NDST4: variants seen among roughly 807,000 people sequenced by gnomAD.
The protein encoded by NDST4 is N-deacetylase and N-sulfotransferase 4.
Under a neutral mutation model 100.8 loss-of-function variants are expected in NDST4, and 63 were observed. That is an observed-to-expected ratio of 0.62 (90% CI 0.51 to 0.77). NDST4 has a LOEUF of 0.77. Ranked by LOEUF, NDST4 falls within the 30% of genes least tolerant of loss-of-function variation. NDST4 has a pLI of 0.00. For missense variants in NDST4, 943 were observed against 1,018.4 expected, an observed-to-expected ratio of 0.93 and a Z score of 1.01; for synonymous variants, 377 against 361.8, an observed-to-expected ratio of 1.04 and a Z score of -0.48.
Position 114,833,781 on chromosome 4 carries a change from C to T in NDST4, c.2287-66G>A, listed in dbSNP as rs1723253773. 6.2e-6 allele frequency: 6 copies of T among 962,100 alleles called. No homozygotes were observed. The Admixed American group carries it at 9.0e-5, about 14-fold the overall frequency. The allele number at this position is 962,100 out of a possible 1,614,324, so 59.6% of individuals were successfully genotyped here. Reference sequence around the variant, plus strand: ...AAATTGAATAGACTGTGATGCCTTCCTTTACCTGGTGTGACATTCATAAAT... The same window carrying T: ...AAATTGAATAGACTGTGATGCCTTCTTTTACCTGGTGTGACATTCATAAAT... On this transcript the variant is annotated intron_variant, in intron 11 of 13. Coordinates refer to ENST00000264363, the MANE Select transcript of NDST4 (RefSeq NM_022569.3).
intron 10 of NDST4, among the ~76,000 whole-genome samples, chr4:114,839,788 T>C (rs1342242481): frequency 1.3e-5 from 2 of 152,198 alleles, no homozygotes; most frequent in East Asian, 3.8e-4. Context: ...CTGCTTATTT[T>C]AAAGTAAATT....
At chr4:115,070,255 C>T (rs569658701) in intron 2 of NDST4, among the ~76,000 whole-genome samples, 2 of 152,116 alleles carry the variant, frequency 1.3e-5, no homozygotes, top group African/African-American at 4.8e-5. Context: ...AGATCATATC[C>T]TCTGCAGGAA....
chr4:115,002,588 C>T (rs571767054), intron 2 of NDST4, among the ~76,000 whole-genome samples: 55 of 152,194 alleles, frequency 3.6e-4, no homozygotes, highest in African/African-American at 1.2e-3. Context: ...TGTCCTGAAT[C>T]GTATTGCCTA....
intron 6 of NDST4, among the ~76,000 whole-genome samples, chr4:114,886,160 T>C (rs956856111): frequency 6.6e-6 from 1 of 152,126 alleles, no homozygotes; most frequent in Non-Finnish European, 1.5e-5. Context: ...AACAATATAT[T>C]TGCCAAAGAA....
At chr4:115,072,018 G>A (rs961247462) in intron 2 of NDST4, among the ~76,000 whole-genome samples, 2 of 151,880 alleles carry the variant, frequency 1.3e-5, no homozygotes, top group Non-Finnish European at 2.9e-5. Flanking sequence ...AAGCCATAAA[G>A]CTTATTTAAT....
chr4:114,857,174 T>C (rs1477195348), intron 7 of NDST4, among the ~76,000 whole-genome samples: 3 of 152,152 alleles, frequency 2.0e-5, no homozygotes, highest in African/African-American at 7.2e-5. Flanking sequence ...ATGTACACTT[T>C]TAAGGTTCTG....
Position 114,985,897 on chromosome 4 carries a change from G to A in NDST4, c.979-8623C>T, listed in dbSNP as rs1026404307. 5.3e-5 allele frequency among the ~76,000 whole-genome samples: 8 copies of A among 152,214 alleles called. 1 individual carries two copies. Among genetic ancestry groups the A allele is most frequent in the Middle Eastern group, 6.8e-3 (2 of 294 alleles). ...CCAGTTATGCCTAAAATGGGACCTG[G>A]GGAGTCTGCTCCAAACAATGGGGCC... On this transcript the variant is annotated intron_variant, in intron 2 of 13. Transcript: ENST00000264363.
chr4:114,969,034 CA>C (rs1726445625), intron 4 of NDST4, among the ~76,000 whole-genome samples: 1 of 152,178 alleles, frequency 6.6e-6, no homozygotes, highest in African/African-American at 2.4e-5. Flanking sequence ...GTCATGGCTC[CA>C]AACATTCAAC....
chr4:114,929,086 A>G (rs986681638), intron 6 of NDST4, among the ~76,000 whole-genome samples: 6,331 of 129,080 alleles, frequency 0.049, 229 homozygotes, highest in Non-Finnish European at 0.063. Flanking sequence ...CCATCCATCC[A>G]TCCATCCATC....
chr4:114,846,028 T>A, intron 9 of NDST4, 31 bp from the exon 10 acceptor site: 5 of 1,497,722 alleles, frequency 3.3e-6, no homozygotes, highest in Non-Finnish European at 4.6e-6. Flanking sequence ...TTAATTAATC[T>A]GAAAATAATT....
At chr4:115,024,143 C>A (rs775544879) in intron 2 of NDST4, among the ~76,000 whole-genome samples, 7 of 152,166 alleles carry the variant, frequency 4.6e-5, no homozygotes, top group Non-Finnish European at 8.8e-5. Flanking sequence ...AGAGCCACTT[C>A]ACACAGCCCC....
At chr4:115,058,056 T>C (rs942622470) in intron 2 of NDST4, among the ~76,000 whole-genome samples, 1 of 152,216 alleles carries the variant, frequency 6.6e-6, no homozygotes, top group Admixed American at 6.6e-5. Context: ...GCTTTGAATT[T>C]ATTTCACGTT....
chr4:114,855,879 A>C (rs1456748285), intron 7 of NDST4, among the ~76,000 whole-genome samples: 2 of 152,166 alleles, frequency 1.3e-5, no homozygotes, highest in Non-Finnish European at 2.9e-5. Context: ...CAAAGTTCTG[A>C]AGAATGATCG....
intron 11 of NDST4, among the ~76,000 whole-genome samples, chr4:114,834,504 A>T (rs575072879): frequency 7.6e-6 from 1 of 131,900 alleles, no homozygotes; most frequent in East Asian, 2.2e-4. Flanking sequence ...ATGGAGCGAG[A>T]CTCCATCTCA....
At chr4:114,984,592 T>C (rs796520439) in intron 2 of NDST4, among the ~76,000 whole-genome samples, 3 of 152,330 alleles carry the variant, frequency 2.0e-5, no homozygotes, top group African/African-American at 7.2e-5. Context: ...CCTAAGTAGA[T>C]TATGATATGG....
At chr4:115,075,464 G>A (rs1729158103) in intron 2 of NDST4, among the ~76,000 whole-genome samples, 1 of 152,066 alleles carries the variant, frequency 6.6e-6, no homozygotes, top group Admixed American at 6.6e-5. Context: ...TGTTCTAAAT[G>A]GTTCTAGCTG....
intron 2 of NDST4, among the ~76,000 whole-genome samples, chr4:115,045,054 G>A (rs1728436134): frequency 6.6e-6 from 1 of 152,034 alleles, no homozygotes; most frequent in Admixed American, 6.6e-5. Flanking sequence ...TAGTAACAGA[G>A]TTGAACATGT....
chr4:115,036,800 T>C (rs934814215), intron 2 of NDST4, among the ~76,000 whole-genome samples: 1 of 151,946 alleles, frequency 6.6e-6, no homozygotes, highest in Admixed American at 6.6e-5. Context: ...CATTATTCAA[T>C]ACTACAAAAA....
At chr4:114,993,036 A>C (rs1033916411) in intron 2 of NDST4, among the ~76,000 whole-genome samples, 1 of 151,950 alleles carries the variant, frequency 6.6e-6, no homozygotes, top group African/African-American at 2.4e-5. Flanking sequence ...ATAGTATTTA[A>C]ATAATTATAT....
Sources: allele counts gnomAD v4.1 joint callset (sites outside exome capture counted in the v4.1 genomes callset), GRCh38; gene constraint gnomAD v4.1.1; transcripts MANE v1.5; gene names NCBI Gene and HGNC (gene_info 2026-07-23, HGNC 2026-07-21).